IMPG1: variants seen among roughly 807,000 people sequenced by gnomAD.
The protein encoded by IMPG1 is interphotoreceptor matrix proteoglycan 1.
IMPG1 carries 85 observed loss-of-function variants against 92.0 expected under a neutral mutation model. The ratio of observed to expected loss-of-function variants is 0.92; its 90% confidence interval spans 0.78 to 1.11. The LOEUF (loss-of-function observed/expected upper bound fraction) is 1.11. Among genes scored for constraint, IMPG1 ranks in the 50% least tolerant of loss-of-function variants. The probability of loss-of-function intolerance (pLI) is 0.00; values close to 1 mark genes in which losing one functional copy is unlikely to be tolerated. For synonymous variants in IMPG1, 367 were observed against 334.1 expected, an observed-to-expected ratio of 1.10 and a Z score of -1.08; for missense variants, 1,022 against 956.0, an observed-to-expected ratio of 1.07 and a Z score of -0.91.
chr6:76,072,455 A>G lies in IMPG1; in HGVS notation c.34T>C (p.Phe12Leu), dbSNP rs1784416690. The G allele has an allele frequency of 6.3e-7, 1 of 1,598,138 alleles. No homozygotes were observed. Among genetic ancestry groups the G allele is most frequent in the South Asian group, 1.1e-5 (1 of 89,306 alleles). ...YLETRRAIFV[F>L]WIFLQVQGTK... is the part of the protein sequence containing the mutation. ...CCTTGAACTTGGAGAAAAATCCAAA[A>G]AACAAAAATAGCTCTTCTAGTTTCC... Residue 12 changes from phenylalanine (F) to leucine (L), a missense_variant, in exon 1 of 17, where the codon TTT (phenylalanine) becomes CTT (leucine). By Grantham distance (22) the Phe-to-Leu change is conservative (BLOSUM62 0). This residue lies in a region of IMPG1 where 681 missense variants were observed against 583.6 expected (regional missense o/e 1.17). Coordinates refer to ENST00000369950, the MANE Select transcript of IMPG1 (RefSeq NM_001563.4).
intron 12 of IMPG1, among the ~76,000 whole-genome samples, chr6:75,984,756 A>G (rs1431986116): frequency 6.6e-6 from 1 of 152,194 alleles, no homozygotes; most frequent in Non-Finnish European, 1.5e-5. Flanking sequence ...TCCTTCACGA[A>G]TGGCTTAGTG....
At chr6:76,007,836 A>G (rs1327000965) in intron 8 of IMPG1, among the ~76,000 whole-genome samples, 1 of 152,158 alleles carries the variant, frequency 6.6e-6, no homozygotes, top group Non-Finnish European at 1.5e-5. Flanking sequence ...TCTATCCTAC[A>G]TGTTTTACAT....
chr6:76,037,135 C>T (rs1241593227), intron 2 of IMPG1, among the ~76,000 whole-genome samples: 5 of 152,216 alleles, frequency 3.3e-5, no homozygotes, highest in South Asian at 4.2e-4. Flanking sequence ...GAAAAAGGAC[C>T]GTGGGGAGGA....
chr6:76,055,005 T>C (rs1784097570), intron 1 of IMPG1, among the ~76,000 whole-genome samples: 1 of 152,082 alleles, frequency 6.6e-6, no homozygotes, highest in African/African-American at 2.4e-5. Flanking sequence ...TCTCTCTTAA[T>C]TGATGGAATG....
intron 1 of IMPG1, among the ~76,000 whole-genome samples, chr6:76,044,487 C>T (rs544711444): frequency 5.3e-5 from 8 of 152,208 alleles, no homozygotes; most frequent in South Asian, 2.1e-4. Context: ...GGTCCTGTTC[C>T]GTACCTTGTC....
rs745634145 is a variant in IMPG1 at position 75,923,615 on chromosome 6, T to G, written c.2316+19A>C. ...GTCAAGTTTAGTAATTGCAACCAAC[T>G]TAGAAAGTATGATTTTACCTTGTTA... On this transcript the variant is annotated intron_variant, in intron 16 of 16. Coordinates refer to ENST00000369950, the MANE Select transcript of IMPG1 (RefSeq NM_001563.4). 2 of 1,283,564 alleles carry G rather than the reference T, an allele frequency of 1.6e-6. No homozygotes were observed. The highest frequency in any genetic ancestry group is 3.5e-5 in the Admixed American group (2 of 57,038). The allele number at this position is 1,283,564 out of a possible 1,614,324, so 79.5% of individuals were successfully genotyped here.
chr6:76,068,510 CTTTTT>C (rs1160277573), intron 1 of IMPG1, among the ~76,000 whole-genome samples: 2 of 110,194 alleles, frequency 1.8e-5, no homozygotes, highest in Non-Finnish European at 1.8e-5. Context: ...AATGTCCATA[CTTTTT>C]TTTTTTTTTT....
intron 7 of IMPG1, among the ~76,000 whole-genome samples, chr6:76,011,589 A>AT (rs1189306756): frequency 2.0e-5 from 3 of 151,928 alleles, no homozygotes; most frequent in Admixed American, 2.0e-4. Flanking sequence ...TTATTTATTT[A>AT]TTTTTTTAAT....
intron 12 of IMPG1, among the ~76,000 whole-genome samples, chr6:75,993,620 C>T (rs937614858): frequency 2.0e-5 from 3 of 152,108 alleles, no homozygotes; most frequent in Admixed American, 6.5e-5. Context: ...TTACCTTTGA[C>T]CTAATTACCT....
intron 7 of IMPG1, among the ~76,000 whole-genome samples, chr6:76,013,848 T>A (rs1487505356): frequency 6.6e-6 from 1 of 152,242 alleles, no homozygotes; most frequent in Non-Finnish European, 1.5e-5. Flanking sequence ...GATACACAGA[T>A]AATCCCCAAA....
chr6:76,035,785 T>G (rs1437175557), intron 2 of IMPG1, among the ~76,000 whole-genome samples: 3 of 152,198 alleles, frequency 2.0e-5, no homozygotes, highest in African/African-American at 7.2e-5. Flanking sequence ...CTATTCTTAT[T>G]GTGGCACGGT....
At chr6:76,006,133 C>A (rs78922320) in intron 9 of IMPG1, among the ~76,000 whole-genome samples, 1 of 151,866 alleles carries the variant, frequency 6.6e-6, no homozygotes, top group Admixed American at 6.6e-5. Flanking sequence ...CCACCTAGGT[C>A]TTTTTGAAAA....
chr6:75,978,346 T>C (rs1782572556), intron 12 of IMPG1, among the ~76,000 whole-genome samples: 1 of 152,174 alleles, frequency 6.6e-6, no homozygotes, highest in South Asian at 2.1e-4. Flanking sequence ...GTTTTCTCTA[T>C]CTTTGCTTTT....
intron 2 of IMPG1, among the ~76,000 whole-genome samples, 163 bp downstream of exon 2, chr6:76,041,730 A>G (rs1307900852): frequency 6.6e-6 from 1 of 152,202 alleles, no homozygotes; most frequent in Admixed American, 6.5e-5. Flanking sequence ...ATAGTTTTGA[A>G]TGTTTATTAT....
intron 14 of IMPG1, among the ~76,000 whole-genome samples, chr6:75,943,930 A>T (rs1000229784): frequency 2.0e-5 from 3 of 152,228 alleles, no homozygotes; most frequent in Non-Finnish European, 4.4e-5. Flanking sequence ...GGAATGAAAA[A>T]GATGTAGTTT....
intron 4 of IMPG1, among the ~76,000 whole-genome samples, chr6:76,026,410 C>G (rs940930714): frequency 6.6e-6 from 1 of 152,202 alleles, no homozygotes; most frequent in East Asian, 1.9e-4. Flanking sequence ...GTGGGGGAAA[C>G]CATGCCCCCA....
intron 1 of IMPG1, among the ~76,000 whole-genome samples, chr6:76,046,519 T>C (rs548466209): frequency 6.6e-6 from 1 of 152,188 alleles, no homozygotes; most frequent in African/African-American, 2.4e-5. Context: ...AATATGTTCA[T>C]TACTTATGAA....
chr6:76,015,151 C>T (rs1321535000), intron 7 of IMPG1, among the ~76,000 whole-genome samples: 1 of 152,188 alleles, frequency 6.6e-6, no homozygotes, highest in Non-Finnish European at 1.5e-5. Flanking sequence ...AGCATTCAGA[C>T]AACAACTAAA....
chr6:76,022,332 G>T, intron 5 of IMPG1, 113 bp from the exon 6 acceptor site: 1 of 515,320 alleles, frequency 1.9e-6, no homozygotes. Flanking sequence ...ACAGATATTA[G>T]GTGCCTTCTG....
Sources: allele counts gnomAD v4.1 joint callset (sites outside exome capture counted in the v4.1 genomes callset), GRCh38; gene constraint gnomAD v4.1.1; regional missense constraint gnomAD v4.1.1; transcripts MANE v1.5; gene names NCBI Gene and HGNC (gene_info 2026-07-23, HGNC 2026-07-21).